The following CBFB variants were observed in gnomAD, a reference collection of about 807,000 sequenced individuals.
The protein encoded by CBFB is core-binding factor subunit beta.
A neutral mutation model predicts 30.4 loss-of-function variants in CBFB; 9 were observed. That is an observed-to-expected ratio of 0.30 (90% confidence interval 0.18 to 0.52). The LOEUF (loss-of-function observed/expected upper bound fraction) is 0.52, where lower values mean the gene tolerates loss of function less well. Among genes scored for constraint, CBFB ranks in the 20% least tolerant of loss-of-function variants. The probability of loss-of-function intolerance (pLI) is 0.97; values close to 1 mark genes in which losing one functional copy is unlikely to be tolerated. For synonymous variants in CBFB, 94 were observed against 84.0 expected (o/e 1.12, Z -0.65); for missense variants, 170 against 244.0 (o/e 0.70, Z 2.02).
chr16:67,081,547 A>G (rs1291152777), intron 4 of CBFB, among the ~76,000 whole-genome samples: 12 of 152,044 alleles, frequency 7.9e-5, no homozygotes, highest in Admixed American at 7.9e-4. Context: ...TGCACCTGTA[A>G]TCCCAGCACT....
At chr16:67,098,002 A>G (rs992329125) in intron 5 of CBFB, among the ~76,000 whole-genome samples, 3 of 152,234 alleles carry the variant, frequency 2.0e-5, no homozygotes, top group Non-Finnish European at 4.4e-5. Context: ...CTGATACTCA[A>G]TAAATGTCAG....
At chr16:67,079,460 C>T (rs1051459964) in intron 4 of CBFB, among the ~76,000 whole-genome samples, 4 of 150,070 alleles carry the variant, frequency 2.7e-5, no homozygotes, top group Admixed American at 6.7e-5. Context: ...TCCAGCAGTA[C>T]ACAGTCCAGG....
intron 3 of CBFB, among the ~76,000 whole-genome samples, chr16:67,055,746 C>G (rs1196575986): frequency 6.6e-6 from 1 of 152,058 alleles, no homozygotes; most frequent in African/African-American, 2.4e-5. Context: ...ATAGAAGAAG[C>G]TATTTTTACA....
intron 5 of CBFB, among the ~76,000 whole-genome samples, chr16:67,085,919 C>T (rs1193042895): frequency 1.3e-5 from 2 of 151,948 alleles, no homozygotes; most frequent in African/African-American, 4.8e-5. Context: ...ACCTCGTGAT[C>T]TGCCCGCCTT....
chr16:67,043,983 G>T (rs1966579155), intron 3 of CBFB, among the ~76,000 whole-genome samples: 1 of 152,178 alleles, frequency 6.6e-6, no homozygotes, highest in Admixed American at 6.6e-5. Context: ...AAAGACAAGG[G>T]AAAAGCAACT....
At chr16:67,078,694 G>T (rs1163418766) in intron 4 of CBFB, among the ~76,000 whole-genome samples, 1 of 152,124 alleles carries the variant, frequency 6.6e-6, no homozygotes, top group African/African-American at 2.4e-5. Context: ...TGTTGCCCAG[G>T]CTGGAGTGCA....
intron 2 of CBFB, among the ~76,000 whole-genome samples, chr16:67,030,597 G>A (rs983354347): frequency 1.3e-5 from 2 of 152,054 alleles, no homozygotes; most frequent in African/African-American, 2.4e-5. Context: ...AAGAAAAGAG[G>A]TTGATTATTA....
chr16:67,050,486 A>G (rs192973418), intron 3 of CBFB, among the ~76,000 whole-genome samples: 55 of 152,088 alleles, frequency 3.6e-4, no homozygotes, highest in Non-Finnish European at 6.3e-4. Flanking sequence ...GAGATTAACA[A>G]CCTTAACTAA....
At chr16:67,036,845 C>A in intron 3 of CBFB, 90 bp downstream of exon 3, 1 of 773,716 alleles carries the variant, frequency 1.3e-6, no homozygotes, top group South Asian at 1.4e-5. Flanking sequence ...GATCACAGAT[C>A]TGATTATACC....
At chr16:67,040,774 C>T (rs1478436888) in intron 3 of CBFB, among the ~76,000 whole-genome samples, 4 of 152,144 alleles carry the variant, frequency 2.6e-5, no homozygotes, top group Non-Finnish European at 5.9e-5. Flanking sequence ...GATCAATGAA[C>T]AGGAAGTTTG....
In CBFB at chr16:67,099,780, G is replaced by C. The variant is rs1245275326; in HGVS notation, c.*1002G>C. ...GTAACAGCATATTAAACTGGAGACAGTGATGAATCAGCTACAAAGGTAATA... is the reference window on the plus strand; with the variant it reads ...GTAACAGCATATTAAACTGGAGACACTGATGAATCAGCTACAAAGGTAATA... On this transcript the variant is annotated 3_prime_UTR_variant, in exon 6 of 6. Transcript: ENST00000412916. 1 of 208,794 alleles carries C rather than the reference G, an allele frequency of 4.8e-6. No homozygotes were observed. Among genetic ancestry groups the C allele is most frequent in the Non-Finnish European group, 9.8e-6 (1 of 102,424 alleles). The allele number at this position is 208,794 out of a possible 1,614,324, so 12.9% of individuals were successfully genotyped here.
At chr16:67,034,247 AATAC>A (rs2145709729) in intron 2 of CBFB, among the ~76,000 whole-genome samples, 1 of 152,336 alleles carries the variant, frequency 6.6e-6, no homozygotes, top group Non-Finnish European at 1.5e-5. Context: ...AGTAAAAACT[AATAC>A]ATATTTCTAA....
chr16:67,090,286 A>G (rs1203707637), intron 5 of CBFB, among the ~76,000 whole-genome samples: 1 of 152,212 alleles, frequency 6.6e-6, no homozygotes, highest in East Asian at 1.9e-4. Flanking sequence ...CTGTACTTGT[A>G]TAAAAAGAAG....
At chr16:67,029,693 T>G in intron 1 of CBFB, 34 bp from the exon 2 acceptor site, 1 of 1,548,860 alleles carries the variant, frequency 6.5e-7, no homozygotes, top group South Asian at 1.1e-5. Flanking sequence ...CGCCGCGGAT[T>G]TGGCTCCTGA....
chr16:67,043,355 A>G (rs571552204), intron 3 of CBFB, among the ~76,000 whole-genome samples: 7 of 152,242 alleles, frequency 4.6e-5, no homozygotes, highest in Non-Finnish European at 1.0e-4. Flanking sequence ...AAATGGGCTC[A>G]TAGAAATTAG....
chr16:67,049,631 G>GCC (rs945797387), intron 3 of CBFB, among the ~76,000 whole-genome samples: 2 of 152,056 alleles, frequency 1.3e-5, no homozygotes, highest in African/African-American at 4.8e-5. Context: ...GTAGGCACAT[G>GCC]CCACCGCACC....
chr16:67,058,013 A>G (rs1597138960), intron 3 of CBFB, among the ~76,000 whole-genome samples: 1 of 152,222 alleles, frequency 6.6e-6, no homozygotes, highest in African/African-American at 2.4e-5. Flanking sequence ...TCTAAAAAAC[A>G]TTATTTTGAT....
At chr16:67,075,412 C>T (rs912308864) in intron 4 of CBFB, among the ~76,000 whole-genome samples, 4 of 152,138 alleles carry the variant, frequency 2.6e-5, no homozygotes, top group Non-Finnish European at 5.9e-5. Flanking sequence ...TACTACCACA[C>T]AGTCATCAGA....
At chr16:67,055,662 C>T (rs1256520828) in intron 3 of CBFB, among the ~76,000 whole-genome samples, 2 of 152,078 alleles carry the variant, frequency 1.3e-5, no homozygotes, top group African/African-American at 4.8e-5. Context: ...GGCCTCCAGA[C>T]ACTTTCTTTA....
Sources: gnomAD v4.1 joint callset for allele counts (sites outside exome capture counted in the v4.1 genomes callset) on GRCh38, gnomAD v4.1.1 for gene constraint, MANE v1.5 for transcripts, NCBI Gene and HGNC (gene_info 2026-07-23, HGNC 2026-07-21) for gene names.